PDE8B: variants seen among roughly 807,000 people sequenced by gnomAD.
The protein encoded by PDE8B is high affinity cAMP-specific and IBMX-insensitive 3',5'-cyclic phosphodiesterase 8B.
Under a neutral mutation model 101.3 loss-of-function variants are expected in PDE8B, and 26 were observed. The observed-to-expected ratio is 0.26, with a 90% CI of 0.19 to 0.36. The LOEUF is 0.36. PDE8B is among the 10% of genes least tolerant of loss of function. The pLI is 1.00. For missense variants in PDE8B, 810 were observed against 1,163.1 expected (o/e 0.70, Z 4.42); for synonymous variants, 424 against 429.3 (o/e 0.99, Z 0.15).
chr5:77,364,965 C>T (rs1783852741), intron 10 of PDE8B, among the ~76,000 whole-genome samples: 1 of 152,096 alleles, frequency 6.6e-6, no homozygotes, highest in African/African-American at 2.4e-5. Flanking sequence ...CTTTGGCCCA[C>T]AAGTTACAAA....
intron 12 of PDE8B, among the ~76,000 whole-genome samples, chr5:77,405,360 C>T (rs531363995): frequency 2.6e-5 from 4 of 152,270 alleles, no homozygotes; most frequent in East Asian, 3.9e-4. Context: ...TTTCATTCCT[C>T]GGTGTCTGGG....
At chr5:77,406,386 A>G (rs998694702) in intron 12 of PDE8B, among the ~76,000 whole-genome samples, 2 of 152,248 alleles carry the variant, frequency 1.3e-5, no homozygotes, top group African/African-American at 2.4e-5. Flanking sequence ...ACAGTAACCA[A>G]TAATATAAAG....
At chr5:77,097,730 T>TATATATAC in the PDE8B span, among the ~76,000 whole-genome samples, 8 of 64,790 alleles carry the variant, frequency 1.2e-4, no homozygotes, top group Non-Finnish European at 1.9e-4. Flanking sequence ...TATATATATA[T>TATATATAC]ATACATACAT....
At position 77,246,192 on chromosome 5, in the gene PDE8B, T is replaced by TA. The variant is rs969008262; in HGVS notation, c.339+34937dup. Among the ~76,000 whole-genome samples, 33 of 151,280 alleles carry TA rather than the reference T, an allele frequency of 2.2e-4. 1 individual carries two copies. Among genetic ancestry groups the TA allele is most frequent in the Admixed American group, 3.3e-4 (5 of 15,190 alleles). On this transcript the variant is annotated intron_variant, in intron 1 of 21. Coordinates refer to ENST00000264917, the MANE Select transcript of PDE8B (RefSeq NM_003719.5). ...TTTCCTCCTCAATTGGTCATAATAT[T>TA]AAAAAAAAATGCATTTTAGGTCATT...
At chr5:77,124,455 G>A in the PDE8B span, among the ~76,000 whole-genome samples, 1 of 151,922 alleles carries the variant, frequency 6.6e-6, no homozygotes, top group South Asian at 2.1e-4. Context: ...ATGTGTGGTG[G>A]TGCACACCTG....
chr5:77,218,038 C>T (rs1479223805), intron 1 of PDE8B, among the ~76,000 whole-genome samples: 1 of 152,102 alleles, frequency 6.6e-6, no homozygotes, highest in African/African-American at 2.4e-5. Context: ...AAAGTAGTTC[C>T]TGAAGTAGGA....
At chr5:77,391,778 G>T (rs1789996596) in intron 10 of PDE8B, among the ~76,000 whole-genome samples, 1 of 152,196 alleles carries the variant, frequency 6.6e-6, no homozygotes, top group African/African-American at 2.4e-5. Context: ...TGTTTTGTTT[G>T]TTTTTTGTTT....
rs73764860 is a variant in PDE8B at position 77,400,744 on chromosome 5, G to C, written c.1210+454G>C. On this transcript the variant is annotated intron_variant, in intron 11 of 21. Transcript: ENST00000264917. ...GCAGAAGCACCAAGTTCCTATTTCA[G>C]TTTCCTACTCGCTCATTTCATATGT... is the stretch of plus-strand genomic sequence containing the variant. Among the ~76,000 whole-genome samples, 1,239 of 152,228 alleles carry C rather than the reference G, an allele frequency of 8.1e-3. 21 individuals are homozygous for C. The highest frequency in any genetic ancestry group is 0.028 in the African/African-American group (1,173 of 41,514).
chr5:77,409,168 AACGTT>A, intron 14 of PDE8B, 111 bp downstream of exon 14: 4 of 857,758 alleles, frequency 4.7e-6, no homozygotes, highest in South Asian at 4.2e-5. Context: ...TATATAGACT[AACGTT>A]AGCATAACCA....
rs1188652236 is a variant in PDE8B at position 77,353,395 on chromosome 5, A to T, written c.1156A>T (p.Asn386Tyr). 2 of 1,597,536 alleles carry T rather than the reference A, an allele frequency of 1.3e-6. No individual in the cohort carries two copies. The highest frequency in any genetic ancestry group is 1.7e-6 in the Non-Finnish European group (2 of 1,165,028). Residue 386 changes from asparagine (N) to tyrosine (Y), a missense_variant, in exon 10 of 22, where the codon AAT becomes TAT. By Grantham distance (143) the Asn-to-Tyr change is moderately radical. Transcript: ENST00000264917. The part of the protein sequence containing the change: ...SLKKLCCTTD[N>Y]NKQIHKIHRD... Reference sequence around the variant, plus strand: ...CAAGAAACTGTGTTGTACCACTGACAATAATAAGCAGGTATGGTATTAGCT... The same window carrying T: ...CAAGAAACTGTGTTGTACCACTGACTATAATAAGCAGGTATGGTATTAGCT...
the PDE8B span, among the ~76,000 whole-genome samples, chr5:77,191,272 C>T: frequency 6.6e-6 from 1 of 152,038 alleles, no homozygotes; most frequent in Non-Finnish European, 1.5e-5. Flanking sequence ...GGGGGACAGA[C>T]TTCAGTCCAT....
At chr5:77,150,729 C>A in the PDE8B span, among the ~76,000 whole-genome samples, 1 of 152,208 alleles carries the variant, frequency 6.6e-6, no homozygotes, top group Non-Finnish European at 1.5e-5. Context: ...CTGGTTTTAA[C>A]TGAGCACCTT....
chr5:77,373,710 G>A (rs66701990), intron 10 of PDE8B, among the ~76,000 whole-genome samples: 7,365 of 151,996 alleles, frequency 0.048, 251 homozygotes, highest in African/African-American at 0.098. Context: ...TATAATTTAC[G>A]TACCATACAA....
the PDE8B span, among the ~76,000 whole-genome samples, chr5:77,159,085 A>C: frequency 6.6e-6 from 1 of 152,078 alleles, no homozygotes; most frequent in Non-Finnish European, 1.5e-5. Flanking sequence ...TCTCAATGGG[A>C]CTTGATTGAC....
the PDE8B span, chr5:77,114,428 G>GC: frequency 6.6e-6 from 1 of 152,052 alleles, no homozygotes; most frequent in Admixed American, 6.5e-5. Flanking sequence ...ACCAAACACC[G>GC]CATGTTCTCA....
At chr5:77,409,762 G>A (rs959070977) in intron 14 of PDE8B, among the ~76,000 whole-genome samples, 12 of 152,244 alleles carry the variant, frequency 7.9e-5, no homozygotes, top group African/African-American at 2.9e-4. Context: ...AGAGTCTGAA[G>A]CTGGAATTCT....
chr5:77,291,660 G>A (rs1767375590), intron 1 of PDE8B: 30 of 1,596,330 alleles, frequency 1.9e-5, no homozygotes, highest in Non-Finnish European at 2.6e-5. Flanking sequence ...GGCTGAGATT[G>A]GAGGTGCCTT....
At chr5:77,338,190 G>A (rs1430120222) in intron 6 of PDE8B, among the ~76,000 whole-genome samples, 2 of 152,230 alleles carry the variant, frequency 1.3e-5, no homozygotes, top group African/African-American at 4.8e-5. Flanking sequence ...CACAAAATAA[G>A]TAGGAGAGCA....
At chr5:77,307,713 C>T (rs1580934042) in intron 1 of PDE8B, among the ~76,000 whole-genome samples, 1 of 152,144 alleles carries the variant, frequency 6.6e-6, no homozygotes, top group Non-Finnish European at 1.5e-5. Context: ...GAATGTTATA[C>T]AGCACAGTTA....
Sources: allele counts gnomAD v4.1 joint callset (sites outside exome capture counted in the v4.1 genomes callset), GRCh38; gene constraint gnomAD v4.1.1; transcripts MANE v1.5; gene names NCBI Gene and HGNC (gene_info 2026-07-23, HGNC 2026-07-21).